The following RYR2 variants were observed in gnomAD, a reference collection of about 807,000 sequenced individuals.
The protein encoded by RYR2 is ryanodine receptor 2.
RYR2 carries 227 observed loss-of-function variants against 601.1 expected under a neutral mutation model. The ratio of observed to expected loss-of-function variants is 0.38; its 90% CI spans 0.34 to 0.42. RYR2 has a LOEUF of 0.42. Ranked by LOEUF, RYR2 falls within the 10% of genes least tolerant of loss-of-function variation. RYR2 has a pLI of 1.00. For missense variants in RYR2, 4,646 were observed against 6,156.5 expected (o/e 0.75, Z 8.21); for synonymous variants, 2,223 against 2,175.1 (o/e 1.02, Z -0.61).
intron 17 of RYR2, among the ~76,000 whole-genome samples, chr1:237,483,988 G>A (rs970925290): frequency 2.0e-5 from 3 of 152,232 alleles, no homozygotes; most frequent in East Asian, 3.9e-4. Context: ...TGTGGACACC[G>A]CCAAACTGTT....
At chr1:237,668,818 G>A (rs1001912515) in intron 58 of RYR2, among the ~76,000 whole-genome samples, 2 of 152,224 alleles carry the variant, frequency 1.3e-5, no homozygotes, top group Non-Finnish European at 2.9e-5. Flanking sequence ...CTAGGAAACA[G>A]AGTAACACAA....
rs913830628 is a variant in RYR2, at chr1:237,594,897, T to G, written c.4437-601T>G. 6.5e-3 allele frequency among the ~76,000 whole-genome samples: 138 copies of G among 21,202 alleles called. 6 individuals are homozygous for G. The highest frequency in any genetic ancestry group is 8.8e-3 in the African/African-American group (123 of 14,006). 13.9% of individuals were successfully genotyped at this position (21,202 alleles called of 152,430 possible). ...GTTAATATCACTGGGTTTTTTTTTT[T>G]TTTTTTTTTTTTTTTTTTTTTTTTT... On this transcript the variant is annotated intron_variant, in intron 33 of 104. Coordinates refer to ENST00000366574, the MANE Select transcript of RYR2 (RefSeq NM_001035.3).
In RYR2 at chr1:237,742,270, C is replaced by CTTT. The variant is rs397516499; in HGVS notation, c.11092-13_11092-11dup. The CTTT allele has an allele frequency of 3.6e-4, 426 of 1,183,338 alleles. 1 individual carries two copies. The highest frequency in any genetic ancestry group is 3.5e-3 in the African/African-American group (210 of 60,010). The allele number at this position is 1,183,338 out of a possible 1,614,324, so 73.3% of individuals were successfully genotyped here. On this transcript the variant is annotated intron_variant, in intron 79 of 104. Coordinates refer to ENST00000366574, the MANE Select transcript of RYR2 (RefSeq NM_001035.3). ...TAAAATCTCAACATATTCCTGTCTC[C>CTTT]TTTTTTTTTTTTTTTAAATATACAG... is the stretch of plus-strand genomic sequence containing the variant.
chr1:237,638,116 G>T (rs1681066327), intron 44 of RYR2, among the ~76,000 whole-genome samples: 1 of 134,456 alleles, frequency 7.4e-6, no homozygotes, highest in African/African-American at 2.9e-5. Context: ...AAAAAAAAAA[G>T]CTTATAGTAG....
intron 60 of RYR2, among the ~76,000 whole-genome samples, chr1:237,675,151 T>C (rs1685286772): frequency 6.6e-6 from 1 of 152,170 alleles, no homozygotes; most frequent in African/African-American, 2.4e-5. Context: ...TAGAGTTAAA[T>C]CTCGCCTATG....
intron 1 of RYR2, among the ~76,000 whole-genome samples, chr1:237,107,381 C>T (rs914386695): frequency 1.1e-4 from 17 of 151,070 alleles, no homozygotes; most frequent in African/African-American, 2.2e-4. Context: ...ATTAGCTGGA[C>T]GTGGTGGCGG....
chr1:237,580,469 T>TAA lies in RYR2; in HGVS notation c.3599-9311_3599-9310dup, dbSNP rs34856679. Among the ~76,000 whole-genome samples the TAA allele has an allele frequency of 3.7e-3, 557 of 149,306 alleles. 2 individuals carry two copies. Among genetic ancestry groups the TAA allele is most frequent in the African/African-American group, 0.012 (478 of 40,502 alleles). ...ACTGCGCCAGGCCCCAACAATGCTT[T>TAA]AAAAAAAAAAAAAATGAAGAAATGC... is the stretch of plus-strand genomic sequence containing the variant. On this transcript the variant is annotated intron_variant, in intron 29 of 104. Transcript: ENST00000366574.
chr1:237,724,949 G>A (rs979633495), intron 74 of RYR2, among the ~76,000 whole-genome samples: 4 of 152,004 alleles, frequency 2.6e-5, no homozygotes, highest in African/African-American at 4.8e-5. Flanking sequence ...TCTCAAATGA[G>A]GTTCACTTTT....
intron 1 of RYR2, among the ~76,000 whole-genome samples, chr1:237,195,713 G>A (rs1453268836): frequency 6.6e-6 from 1 of 152,180 alleles, no homozygotes; most frequent in African/African-American, 2.4e-5. Context: ...TCTGGTCATT[G>A]TATACCCTTG....
chr1:237,271,335 C>A (rs1461224213), intron 2 of RYR2, among the ~76,000 whole-genome samples: 1 of 152,116 alleles, frequency 6.6e-6, no homozygotes, highest in Non-Finnish European at 1.5e-5. Flanking sequence ...TTAGGCTGAT[C>A]TTTGCCTAAA....
intron 47 of RYR2, 72 bp downstream of exon 47, chr1:237,641,074 C>T: frequency 1.0e-6 from 1 of 998,310 alleles, no homozygotes; most frequent in Non-Finnish European, 1.4e-6. Flanking sequence ...TGTCAAAGAG[C>T]ATAACAGCAT....
At chr1:237,620,899 C>G (rs1679003843) in intron 38 of RYR2, among the ~76,000 whole-genome samples, 1 of 152,106 alleles carries the variant, frequency 6.6e-6, no homozygotes, top group Non-Finnish European at 1.5e-5. Context: ...CGGAAAAACT[C>G]CACACTATCA....
At chr1:237,291,550 T>A (rs74665051) in intron 2 of RYR2, among the ~76,000 whole-genome samples, 3 of 152,130 alleles carry the variant, frequency 2.0e-5, no homozygotes, top group African/African-American at 7.2e-5. Flanking sequence ...TGTCCATCAG[T>A]AGGTGAACAA....
At chr1:237,167,388 C>T (rs1170044974) in intron 1 of RYR2, among the ~76,000 whole-genome samples, 1 of 152,192 alleles carries the variant, frequency 6.6e-6, no homozygotes, top group Non-Finnish European at 1.5e-5. Flanking sequence ...TCCCACTCTT[C>T]TTAGAGGGCC....
At chr1:237,624,035 T>A (rs1280899215) in intron 39 of RYR2, among the ~76,000 whole-genome samples, 165 bp downstream of exon 39, 16 of 152,218 alleles carry the variant, frequency 1.1e-4, no homozygotes, top group Admixed American at 9.8e-4. Flanking sequence ...AAAATAACTG[T>A]CCCTATGTGG....
intron 79 of RYR2, 31 bp downstream of exon 79, chr1:237,733,787 T>C (rs1690903512): frequency 7.1e-7 from 1 of 1,409,458 alleles, no homozygotes; most frequent in South Asian, 1.2e-5. Context: ...ATTTTCATGT[T>C]TAATTTTAAT....
At chr1:237,754,907 A>C (rs1692818983) in intron 80 of RYR2, among the ~76,000 whole-genome samples, 1 of 152,224 alleles carries the variant, frequency 6.6e-6, no homozygotes, top group Non-Finnish European at 1.5e-5. Context: ...TATAGATGTT[A>C]GCATGGCTAC....
In RYR2 at chr1:237,445,457, G is replaced by C; in HGVS notation, c.1227G>C (p.Gln409His). 6.2e-7 allele frequency: 1 copy of C among 1,613,750 alleles called. No homozygotes were observed. The highest frequency in any genetic ancestry group is 8.5e-7 in the Non-Finnish European group (1 of 1,179,724). ...MDDGISLSRSQHEESRTARVI... is the reference protein window; with the variant it reads ...MDDGISLSRSHHEESRTARVI... Reference sequence around the variant, plus strand: ...ATGGCATAAGTTTGTCGAGATCCCAGCATGAAGAATCACGCACAGCCCGAG... The same window carrying C: ...ATGGCATAAGTTTGTCGAGATCCCACCATGAAGAATCACGCACAGCCCGAG... Residue 409 changes from glutamine (Q) to histidine (H), a missense_variant, in exon 14 of 105, where the codon CAG becomes CAC. By Grantham distance (24) the Gln-to-His change is conservative. Coordinates refer to ENST00000366574, the MANE Select transcript of RYR2 (RefSeq NM_001035.3).
chr1:237,270,395 A>C, intron 1 of RYR2, 102 bp from the exon 2 acceptor site: 1 of 1,484,162 alleles, frequency 6.7e-7, no homozygotes, highest in Non-Finnish European at 9.2e-7. Flanking sequence ...TTCGGCACAG[A>C]TTTTTAAAAT....
Sources: allele counts gnomAD v4.1 joint callset (sites outside exome capture counted in the v4.1 genomes callset), GRCh38; gene constraint gnomAD v4.1.1; transcripts MANE v1.5; gene names NCBI Gene and HGNC (gene_info 2026-07-23, HGNC 2026-07-21).